Variants in FGF14 observed in about 807,000 individuals in gnomAD.
The protein encoded by FGF14 is fibroblast growth factor homologous factor 4.
Under a neutral mutation model 25.5 loss-of-function variants are expected in FGF14, and 5 were observed. The observed-to-expected ratio is 0.20, with a 90% CI of 0.10 to 0.41. The LOEUF (loss-of-function observed/expected upper bound fraction) is 0.41. FGF14 is among the 10% of genes least tolerant of loss of function. The probability of loss-of-function intolerance (pLI) is 1.00; values close to 1 mark genes in which losing one functional copy is unlikely to be tolerated. For missense variants in FGF14, 222 were observed against 320.1 expected, an observed-to-expected ratio of 0.69 and a Z score of 2.34; for synonymous variants, 138 against 118.3, an observed-to-expected ratio of 1.17 and a Z score of -1.08.
intron 3 of FGF14, among the ~76,000 whole-genome samples, chr13:101,793,058 A>G (rs542261513): frequency 2.6e-5 from 4 of 152,246 alleles, no homozygotes; most frequent in African/African-American, 9.6e-5. Context: ...GGAGATGTAC[A>G]TTACTCAGTT....
At chr13:101,833,822 T>A (rs1168718812) in intron 3 of FGF14, among the ~76,000 whole-genome samples, 1 of 152,134 alleles carries the variant, frequency 6.6e-6, no homozygotes, top group Non-Finnish European at 1.5e-5. Flanking sequence ...CCTGTCGTTG[T>A]GTCTTGCTGT....
intron 1 of FGF14, among the ~76,000 whole-genome samples, chr13:102,155,725 T>C (rs1269858377): frequency 7.2e-6 from 1 of 139,784 alleles, no homozygotes; most frequent in Non-Finnish European, 1.6e-5. Flanking sequence ...ATCCAGGAGC[T>C]GGTTTTTTTA....
At chr13:101,940,870 T>A (rs1389788618) in intron 1 of FGF14, among the ~76,000 whole-genome samples, 1 of 152,200 alleles carries the variant, frequency 6.6e-6, no homozygotes, top group Non-Finnish European at 1.5e-5. Context: ...TAAAAAATAT[T>A]TTTCATTCAT....
At chr13:102,254,214 T>G (rs956049920) in intron 1 of FGF14, among the ~76,000 whole-genome samples, 7 of 152,148 alleles carry the variant, frequency 4.6e-5, no homozygotes, top group Admixed American at 1.3e-4. Context: ...AAAGTTAACT[T>G]GGTTAATATT....
intron 1 of FGF14, among the ~76,000 whole-genome samples, chr13:102,030,395 A>G (rs1009935190): frequency 1.3e-5 from 2 of 151,172 alleles, no homozygotes; most frequent in African/African-American, 2.4e-5. Context: ...GGTTTTGAGT[A>G]TCATTGCTGT....
At chr13:101,749,716 C>A (rs1284957152) in intron 3 of FGF14, among the ~76,000 whole-genome samples, 6 of 152,002 alleles carry the variant, frequency 3.9e-5, no homozygotes, top group Admixed American at 3.3e-4. Context: ...CTTTTCAAAC[C>A]AGAATTTTAT....
At chr13:102,020,987 T>A (rs961265330) in intron 1 of FGF14, among the ~76,000 whole-genome samples, 1 of 143,564 alleles carries the variant, frequency 7.0e-6, no homozygotes, top group Non-Finnish European at 1.5e-5. Context: ...GGAGGGAGAG[T>A]AGGTTGTGGT....
chr13:102,112,845 C>T (rs527832513), intron 1 of FGF14, among the ~76,000 whole-genome samples: 5 of 152,280 alleles, frequency 3.3e-5, no homozygotes, highest in African/African-American at 1.2e-4. Context: ...ATAGTTTCAT[C>T]AAGCTTGAGC....
chr13:102,073,900 G>C (rs2043247961), intron 1 of FGF14, among the ~76,000 whole-genome samples: 1 of 152,144 alleles, frequency 6.6e-6, no homozygotes, highest in African/African-American at 2.4e-5. Flanking sequence ...TTTTCCAACA[G>C]GGAAATAATA....
In FGF14 at chr13:101,962,924, G is replaced by A. The variant is rs114844577; in HGVS notation, c.209-87628C>T. On this transcript the variant is annotated intron_variant, in intron 1 of 4. Coordinates refer to the FGF14 transcript ENST00000376131. ...TGCTTGCACCTGCACCTTGCACATG[G>A]GAAGTGGAATTGAGTGTTAACTGTT... Among the ~76,000 whole-genome samples, 277 of 152,296 alleles carry A rather than the reference G, an allele frequency of 1.8e-3. 1 individual carries two copies. Among genetic ancestry groups the A allele is most frequent in the African/African-American group, 6.2e-3 (259 of 41,574 alleles).
At chr13:101,828,030 C>G (rs1011725572) in intron 3 of FGF14, among the ~76,000 whole-genome samples, 2 of 151,716 alleles carry the variant, frequency 1.3e-5, no homozygotes, top group South Asian at 2.1e-4. Flanking sequence ...ATGAAATCTA[C>G]TACTTTAATC....
At position 102,184,866 on chromosome 13, in the gene FGF14, C is replaced by T. The variant is rs60230852; in HGVS notation, c.208+216605G>A. ...AAACTACCATATGCCAAAATGCCCA[C>T]AAAAGTTATGCACAGACGTGCATCA... On this transcript the variant is annotated intron_variant, in intron 1 of 4. Coordinates refer to the FGF14 transcript ENST00000376131. Among the ~76,000 whole-genome samples, 522 of 152,222 alleles carry T rather than the reference C, an allele frequency of 3.4e-3. 1 individual carries two copies. The highest frequency in any genetic ancestry group is 0.011 in the African/African-American group (462 of 41,544).
In FGF14 at chr13:101,882,850, C is replaced by T. The variant is rs138188588; in HGVS notation, c.194-7554G>A. Among the ~76,000 whole-genome samples, 750 of 152,254 alleles carry T rather than the reference C, an allele frequency of 4.9e-3. 3 individuals are homozygous for T. The highest frequency in any genetic ancestry group is 0.015 in the South Asian group (73 of 4,834). On this transcript the variant is annotated intron_variant, in intron 1 of 4. Transcript: ENST00000376143. The stretch of plus-strand genomic sequence containing the variant: ...TCCATTTAAAGAAAGGTACAAACAT[C>T]TGAGCTCTGTTCCCTTCTGAGTTTC...
chr13:101,850,541 A>AGC (rs1555295907), intron 3 of FGF14, among the ~76,000 whole-genome samples: 1,550 of 5,832 alleles, frequency 0.27, 413 homozygotes, highest in African/African-American at 0.36. Flanking sequence ...ATATATATAT[A>AGC]TATATATATA....
At chr13:101,797,723 T>C (rs1452561124) in intron 3 of FGF14, among the ~76,000 whole-genome samples, 2 of 120,978 alleles carry the variant, frequency 1.7e-5, no homozygotes, top group African/African-American at 5.6e-5. Flanking sequence ...CTAAAGAGAA[T>C]GTCATGAATT....
intron 1 of FGF14, among the ~76,000 whole-genome samples, chr13:101,950,351 C>A (rs1329122114): frequency 6.6e-6 from 1 of 152,158 alleles, no homozygotes; most frequent in Non-Finnish European, 1.5e-5. Context: ...TAAAAAGCAA[C>A]ATTAGTTATC....
chr13:101,834,535 T>C (rs1480104866), intron 3 of FGF14, among the ~76,000 whole-genome samples: 3 of 152,102 alleles, frequency 2.0e-5, no homozygotes, highest in African/African-American at 4.8e-5. Context: ...TAGTATGTGT[T>C]ATTATTTTCA....
chr13:101,720,796 A>C lies in FGF14; in HGVS notation c.*2035T>G, dbSNP rs2034922931. 6.6e-6 allele frequency: 1 copy of C among 152,130 alleles called. No homozygotes were observed. The highest frequency in any genetic ancestry group is 2.1e-4 in the South Asian group (1 of 4,828). 9.4% of individuals were successfully genotyped at this position (152,130 alleles called of 1,614,324 possible). A position where few individuals can be genotyped will look rare whatever the true frequency, so the allele number is the denominator to read the frequency against. ...ACACCAAATCAAAAATGACCAAAGGAATCATTTTGTTTGTTAGATTTGTAA... is the reference window on the plus strand; with the variant it reads ...ACACCAAATCAAAAATGACCAAAGGCATCATTTTGTTTGTTAGATTTGTAA... On this transcript the variant is annotated 3_prime_UTR_variant, in exon 5 of 5. Transcript: ENST00000376143.
At chr13:102,237,141 A>C (rs908994656) in intron 1 of FGF14, among the ~76,000 whole-genome samples, 4 of 152,212 alleles carry the variant, frequency 2.6e-5, no homozygotes, top group African/African-American at 9.6e-5. Flanking sequence ...AGTGTTGTCC[A>C]CCACAAGGAA....
Sources: gnomAD v4.1 joint callset for allele counts (sites outside exome capture counted in the v4.1 genomes callset) on GRCh38, gnomAD v4.1.1 for gene constraint, MANE v1.5 for transcripts, NCBI Gene and HGNC (gene_info 2026-07-23, HGNC 2026-07-21) for gene names.